Variants in SRGAP2C observed in about 807,000 individuals in gnomAD.
SRGAP2C encodes SLIT-ROBO Rho GTPase-activating protein 2C.
SRGAP2C carries 15 observed loss-of-function variants against 25.1 expected under a neutral mutation model. That is an observed-to-expected ratio of 0.60 (90% confidence interval 0.40 to 0.92). SRGAP2C has a LOEUF of 0.92. Ranked by LOEUF, SRGAP2C falls within the 40% of genes least tolerant of loss-of-function variation. The pLI is 0.00. For synonymous variants in SRGAP2C, 44 were observed against 96.6 expected (o/e 0.46, Z 3.19); for missense variants, 144 against 264.4 (o/e 0.54, Z 3.16).
intron 3 of SRGAP2C, among the ~76,000 whole-genome samples, chr1:121,295,813 G>A (rs1198120073): frequency 3.9e-5 from 6 of 152,014 alleles, no homozygotes; most frequent in Admixed American, 2.6e-4. Flanking sequence ...CCAGGCTGGA[G>A]TGCAATGGCA....
chr1:121,362,440 C>T (rs1251821604), intron 4 of SRGAP2C, among the ~76,000 whole-genome samples: 2 of 152,138 alleles, frequency 1.3e-5, no homozygotes, highest in Admixed American at 6.5e-5. Context: ...CTAATCAGTA[C>T]GTGAAAGGAA....
At chr1:121,222,187 T>C (rs1460394339) in intron 2 of SRGAP2C, among the ~76,000 whole-genome samples, 2 of 152,190 alleles carry the variant, frequency 1.3e-5, no homozygotes, top group African/African-American at 2.4e-5. Flanking sequence ...GAAATTAAGA[T>C]ATGTGCTCAT....
chr1:121,259,656 C>T (rs1553333141), intron 2 of SRGAP2C, among the ~76,000 whole-genome samples: 1 of 151,456 alleles, frequency 6.6e-6, no homozygotes, highest in East Asian at 1.9e-4. Context: ...TGCTTTATTT[C>T]AGTCAATACA....
Position 121,265,749 on chromosome 1 carries a change from A to C in SRGAP2C, c.68-19054A>C, listed in dbSNP as rs145604476. Among the ~76,000 whole-genome samples the C allele has an allele frequency of 4.2e-4, 64 of 151,510 alleles. No homozygotes were observed. The East Asian group carries it at 0.011, about 27-fold the overall frequency. On this transcript the variant is annotated intron_variant, in intron 2 of 9. Transcript: ENST00000367123. ...TGTAGCTATGGAATGCCTTTCCTCT[A>C]ACAGTTACAAAGCCAATTTGGATAT...
chr1:121,237,594 T>C (rs587722903), intron 2 of SRGAP2C, among the ~76,000 whole-genome samples: 2 of 151,880 alleles, frequency 1.3e-5, no homozygotes, highest in Admixed American at 6.6e-5. Context: ...CACCAGAAGC[T>C]TTTAGATGCT....
At chr1:121,236,060 G>C (rs1382850960) in intron 2 of SRGAP2C, among the ~76,000 whole-genome samples, 48 of 93,454 alleles carry the variant, frequency 5.1e-4, no homozygotes, top group Non-Finnish European at 8.4e-4. Context: ...TGGCTTCCTT[G>C]TTTTCTGGCA....
At chr1:121,277,336 C>T (rs1657128442) in intron 2 of SRGAP2C, among the ~76,000 whole-genome samples, 2 of 151,970 alleles carry the variant, frequency 1.3e-5, no homozygotes, top group African/African-American at 4.8e-5. Flanking sequence ...TTATCCATTA[C>T]CGCCCCTTTG....
Position 121,268,830 on chromosome 1 carries a change from T to C in SRGAP2C, c.68-15973T>C, listed in dbSNP as rs587726565. Among the ~76,000 whole-genome samples the C allele has an allele frequency of 1.5e-3, 144 of 99,096 alleles. 4 individuals carry two copies. Among genetic ancestry groups the C allele is most frequent in the African/African-American group, 4.0e-3 (138 of 34,126 alleles). The allele number at this position is 99,096 out of a possible 152,430, so 65.0% of individuals were successfully genotyped here. ...CTGTTAGATGGCTATGAGGAAATGGTAAGTCAGTTGGAGGCTGGAGTTGAC... is the reference window on the plus strand; with the variant it reads ...CTGTTAGATGGCTATGAGGAAATGGCAAGTCAGTTGGAGGCTGGAGTTGAC... On this transcript the variant is annotated intron_variant, in intron 2 of 9. Transcript: ENST00000367123.
At chr1:121,314,975 C>G in intron 3 of SRGAP2C, 1 of 1,030,024 alleles carries the variant, frequency 9.7e-7, no homozygotes, top group Non-Finnish European at 1.4e-6. Context: ...GCAGACAATC[C>G]AAGCATCCTT....
intron 4 of SRGAP2C, among the ~76,000 whole-genome samples, chr1:121,356,906 A>G (rs1167685726): frequency 1.3e-5 from 2 of 151,880 alleles, no homozygotes; most frequent in African/African-American, 4.8e-5. Flanking sequence ...CAACCATGGA[A>G]GAACATTCAG....
chr1:121,331,144 CAAAAA>C (rs1166653311), intron 4 of SRGAP2C, among the ~76,000 whole-genome samples: 1 of 25,038 alleles, frequency 4.0e-5, no homozygotes, highest in African/African-American at 2.2e-4. Flanking sequence ...ATGCCTCCCT[CAAAAA>C]AAAAAAAAAA....
At chr1:121,199,029 T>A (rs1475681029) in intron 2 of SRGAP2C, among the ~76,000 whole-genome samples, 1 of 152,206 alleles carries the variant, frequency 6.6e-6, no homozygotes, top group African/African-American at 2.4e-5. Context: ...ATAATAATGA[T>A]GATGATGATG....
intron 4 of SRGAP2C, among the ~76,000 whole-genome samples, chr1:121,335,383 TA>T (rs1658490646): frequency 7.6e-6 from 1 of 131,910 alleles, no homozygotes; most frequent in African/African-American, 2.9e-5. Flanking sequence ...AATAAATAAA[TA>T]AATAAAACAA....
intron 2 of SRGAP2C, among the ~76,000 whole-genome samples, chr1:121,188,077 C>A (rs1367054710): frequency 6.6e-6 from 1 of 152,148 alleles, no homozygotes; most frequent in Non-Finnish European, 1.5e-5. Flanking sequence ...GGTCTCTGGT[C>A]GGCCTGCATA....
rs587764878 is a variant in SRGAP2C, at chr1:121,206,167, C to A, written c.67+18654C>A. ...CTGCATCACTTCCTACACCCTAATA[C>A]AATGATGGTTTTATCCACCCTCACC... is the stretch of plus-strand genomic sequence containing the variant. On this transcript the variant is annotated intron_variant, in intron 2 of 9. Coordinates refer to ENST00000367123, the MANE Select transcript of SRGAP2C (RefSeq NM_001329984.2). 3.0e-3 allele frequency among the ~76,000 whole-genome samples: 451 copies of A among 151,964 alleles called. 2 individuals carry two copies. The highest frequency in any genetic ancestry group is 4.9e-3 in the Non-Finnish European group (332 of 67,974).
chr1:121,193,669 T>TTTC (rs1270074963), intron 2 of SRGAP2C, among the ~76,000 whole-genome samples: 64 of 52,748 alleles, frequency 1.2e-3, no homozygotes, highest in Non-Finnish European at 1.2e-3. Context: ...TCTTTTTTCT[T>TTTC]TTTTTTTTTT....
chr1:121,263,496 A>G (rs1354173989), intron 2 of SRGAP2C, among the ~76,000 whole-genome samples: 1 of 151,368 alleles, frequency 6.6e-6, no homozygotes, highest in Non-Finnish European at 1.5e-5. Flanking sequence ...TTGCTTTTAC[A>G]TTATCATTGA....
intron 4 of SRGAP2C, among the ~76,000 whole-genome samples, chr1:121,346,981 A>G (rs1362175307): frequency 6.6e-6 from 1 of 152,158 alleles, no homozygotes; most frequent in Non-Finnish European, 1.5e-5. Context: ...CTTGGTGTCC[A>G]CAAATCAACT....
chr1:121,340,713 G>A (rs1171609965), intron 4 of SRGAP2C, among the ~76,000 whole-genome samples: 7 of 151,394 alleles, frequency 4.6e-5, no homozygotes, highest in African/African-American at 1.2e-4. Context: ...GAATTGGGCC[G>A]ATGTTCTTTT....
Sources: gnomAD v4.1 joint callset for allele counts (sites outside exome capture counted in the v4.1 genomes callset) on GRCh38, gnomAD v4.1.1 for gene constraint, MANE v1.5 for transcripts, NCBI Gene and HGNC (gene_info 2026-07-23, HGNC 2026-07-21) for gene names.